Variants in STAU1 observed in about 807,000 individuals in gnomAD.
STAU1 encodes the protein staufen double-stranded RNA binding protein 1.
A neutral mutation model predicts 62.9 loss-of-function variants in STAU1; 13 were observed. That is an observed-to-expected ratio of 0.21 (90% CI 0.13 to 0.33). STAU1 has a LOEUF of 0.33. Ranked by LOEUF, STAU1 falls within the 10% of genes least tolerant of loss-of-function variation. The probability of loss-of-function intolerance (pLI) is 1.00; values close to 1 mark genes in which losing one functional copy is unlikely to be tolerated. For synonymous variants in STAU1, 269 were observed against 265.1 expected, an observed-to-expected ratio of 1.01 and a Z score of -0.14; for missense variants, 571 against 712.1, an observed-to-expected ratio of 0.80 and a Z score of 2.25.
chr20:49,192,047 T>C (rs1004789390), upstream of STAU1, among the ~76,000 whole-genome samples: 4 of 148,582 alleles, frequency 2.7e-5, no homozygotes, highest in Non-Finnish European at 5.9e-5. Context: ...CGAGACTCCA[T>C]CTCAAAAAAC....
Position 49,123,084 on chromosome 20 carries a change from G to A in STAU1, c.966+8C>T, listed in dbSNP as rs755842198. The A allele has an allele frequency of 6.3e-6, 10 of 1,585,596 alleles. No individual in the cohort carries two copies. Among genetic ancestry groups the A allele is most frequent in the Middle Eastern group, 1.8e-4 (1 of 5,450 alleles). On this transcript the variant is annotated splice_region_variant and intron_variant, in intron 8 of 13. Transcript: ENST00000371856. ...AGGAAGGGGCGCCCATCATCCATGC[G>A]GACCCACCTGCATCACAAACTCCCT...
rs548780227 is a variant in STAU1, at chr20:49,137,825, C to A, written c.511-1894G>T. ...GGATTACAGGCACCCACCACCACAC[C>A]CGGCTAATTTTTTTTTTTTTTTTTT... On this transcript the variant is annotated intron_variant, in intron 5 of 13. Transcript: ENST00000371856. Among the ~76,000 whole-genome samples, 224 of 140,184 alleles carry A rather than the reference C, an allele frequency of 1.6e-3. 1 individual carries two copies. Among genetic ancestry groups the A allele is most frequent in the Non-Finnish European group, 2.5e-3 (164 of 65,378 alleles). 92.0% of individuals were successfully genotyped at this position (140,184 alleles called of 152,430 possible).
At chr20:49,121,019 C>T (rs889896376) in intron 8 of STAU1, among the ~76,000 whole-genome samples, 10 of 152,142 alleles carry the variant, frequency 6.6e-5, no homozygotes, top group African/African-American at 2.4e-4. Context: ...GGTCTCGAAC[C>T]CCTGACCTCA....
intron 6 of STAU1, among the ~76,000 whole-genome samples, chr20:49,133,960 A>C (rs1202576287): frequency 6.6e-6 from 1 of 152,182 alleles, no homozygotes; most frequent in Non-Finnish European, 1.5e-5. Context: ...GCTAGCACAT[A>C]GGAGGAGAAG....
intron 1 of STAU1, among the ~76,000 whole-genome samples, chr20:49,175,659 T>C (rs1568931646): frequency 3.3e-5 from 5 of 151,700 alleles, no homozygotes; most frequent in Admixed American, 2.6e-4. Flanking sequence ...TTTTTATTTT[T>C]ATTTTTAGTA....
At chr20:49,123,690 C>T (rs1299093281) in intron 7 of STAU1, among the ~76,000 whole-genome samples, 1 of 152,140 alleles carries the variant, frequency 6.6e-6, no homozygotes. Flanking sequence ...CAGTTACTTC[C>T]TTGAGGCCAC....
At chr20:49,199,488 C>T in the STAU1 span, among the ~76,000 whole-genome samples, 1 of 151,838 alleles carries the variant, frequency 6.6e-6, no homozygotes, top group South Asian at 2.1e-4. Flanking sequence ...CTCGGCCTCC[C>T]AAAGTGCTGG....
chr20:49,163,827 C>T (rs552342526), intron 3 of STAU1, among the ~76,000 whole-genome samples: 2 of 151,882 alleles, frequency 1.3e-5, no homozygotes, highest in East Asian at 1.9e-4. Context: ...TAAGACAGCA[C>T]GATCACAGTT....
chr20:49,115,043 G>A, intron 13 of STAU1, 150 bp from the exon 14 acceptor site: 1 of 749,246 alleles, frequency 1.3e-6, no homozygotes, highest in South Asian at 1.7e-5. Flanking sequence ...GGGTATGCCA[G>A]TAAGTAAAAT....
intron 3 of STAU1, among the ~76,000 whole-genome samples, chr20:49,158,099 T>C (rs1273800624): frequency 6.6e-6 from 1 of 151,580 alleles, no homozygotes; most frequent in Admixed American, 6.6e-5. Flanking sequence ...CTGGCCAACA[T>C]GGTGAGACCC....
At chr20:49,152,267 T>TA (rs1412442727) in intron 4 of STAU1, among the ~76,000 whole-genome samples, 3 of 151,176 alleles carry the variant, frequency 2.0e-5, no homozygotes, top group Admixed American at 2.0e-4. Flanking sequence ...CTTATATTTT[T>TA]AAAATGACTA....
chr20:49,215,485 A>T, the STAU1 span, among the ~76,000 whole-genome samples: 6 of 152,180 alleles, frequency 3.9e-5, no homozygotes, highest in African/African-American at 1.4e-4. Flanking sequence ...TAGATTCATG[A>T]GAGTGGTTGG....
At chr20:49,176,032 G>A (rs1309345551) in intron 1 of STAU1, among the ~76,000 whole-genome samples, 1 of 151,796 alleles carries the variant, frequency 6.6e-6, no homozygotes, top group African/African-American at 2.4e-5. Flanking sequence ...CTGACCTCGT[G>A]ATCCGCCCGC....
Position 49,159,390 on chromosome 20 carries a change from G to A in STAU1, c.206-5319C>T, listed in dbSNP as rs140024803. On this transcript the variant is annotated intron_variant, in intron 3 of 13. Coordinates refer to ENST00000371856, the MANE Select transcript of STAU1 (RefSeq NM_017453.4). ...TGGGTAAAAAGAAAATATGCGGTTA[G>A]AGATGAACACACAGCCAAACTACCT... is the stretch of plus-strand genomic sequence containing the variant. Among the ~76,000 whole-genome samples the A allele has an allele frequency of 2.0e-3, 306 of 152,272 alleles. 1 individual carries two copies. The highest frequency in any genetic ancestry group is 7.0e-3 in the African/African-American group (290 of 41,552).
At chr20:49,148,641 A>G (rs1229208622) in intron 5 of STAU1, among the ~76,000 whole-genome samples, 1 of 152,216 alleles carries the variant, frequency 6.6e-6, no homozygotes, top group African/African-American at 2.4e-5. Context: ...TAGAGAAGAA[A>G]CGCCAAAGGG....
Position 49,117,833 on chromosome 20 carries a change from G to T in STAU1, c.1453C>A (p.Pro485Thr). Reference sequence around the variant, plus strand: ...AGTTGCTCAGAGGGTCTCGTGAGAGGTCCATGGGGTACGTGGCCTGAAGAG... The same window carrying T: ...AGTTGCTCAGAGGGTCTCGTGAGAGTTCCATGGGGTACGTGGCCTGAAGAG... ...NISSGHVPHG[P>T]LTRPSEQLDY... is the part of the protein sequence containing the mutation. The change falls in exon 11 of 14, where the codon CCT becomes ACT. Residue 485 changes from proline (P) to threonine (T), a missense_variant. Physicochemically the swap from Pro to Thr is conservative, Grantham distance 38 (BLOSUM62 -1). Coordinates refer to ENST00000371856, the MANE Select transcript of STAU1 (RefSeq NM_017453.4). The surrounding 1 kb of genome is among the most constrained non-coding windows in gnomAD (Gnocchi z 4.6). The T allele has an allele frequency of 6.2e-7, 1 of 1,614,164 alleles. No individual in the cohort carries two copies. The highest frequency in any genetic ancestry group is 1.3e-5 in the African/African-American group (1 of 75,032).
chr20:49,190,571 A>G (rs560656260), upstream of STAU1, among the ~76,000 whole-genome samples: 1 of 152,210 alleles, frequency 6.6e-6, no homozygotes, highest in East Asian at 1.9e-4. Flanking sequence ...TCAATCTTCC[A>G]AAGTACTGGG....
chr20:49,158,368 A>G (rs1568899688), intron 3 of STAU1: 2 of 1,065,886 alleles, frequency 1.9e-6, no homozygotes, highest in Non-Finnish European at 2.6e-6. Context: ...AATAATTTAC[A>G]AGGGAAACCT....
intron 5 of STAU1, among the ~76,000 whole-genome samples, chr20:49,139,698 C>T (rs1339565481): frequency 1.3e-5 from 2 of 150,284 alleles, no homozygotes; most frequent in Non-Finnish European, 3.0e-5. Context: ...TGCACTCCAG[C>T]TTGGGCAACA....
Sources: allele counts gnomAD v4.1 joint callset (sites outside exome capture counted in the v4.1 genomes callset), GRCh38; gene constraint gnomAD v4.1.1; non-coding constraint Gnocchi (gnomAD v3.1); transcripts MANE v1.5; gene names NCBI Gene and HGNC (gene_info 2026-07-23, HGNC 2026-07-21).